TMEM120B: variants seen among roughly 807,000 people sequenced by gnomAD.
TMEM120B encodes transmembrane protein 120B.
In TMEM120B, 31 loss-of-function variants were observed where a neutral mutation model predicts 55.5. The ratio of observed to expected loss-of-function variants is 0.56; its 90% CI spans 0.42 to 0.75. The LOEUF is 0.75. Ranked by LOEUF, TMEM120B falls within the 30% of genes least tolerant of loss-of-function variation. TMEM120B has a pLI of 0.00. For synonymous variants in TMEM120B, 203 were observed against 176.3 expected (o/e 1.15, Z -1.20); for missense variants, 399 against 425.5 (o/e 0.94, Z 0.55).
intron 1 of TMEM120B, among the ~76,000 whole-genome samples, chr12:121,723,993 G>A (rs894234425): frequency 2.7e-5 from 4 of 148,040 alleles, no homozygotes; most frequent in Non-Finnish European, 5.9e-5. Flanking sequence ...TGAGACATGG[G>A]ATCTCACTGT....
intron 1 of TMEM120B, among the ~76,000 whole-genome samples, chr12:121,728,245 T>C (rs1383421911): frequency 6.6e-6 from 1 of 151,466 alleles, no homozygotes; most frequent in East Asian, 2.0e-4. Flanking sequence ...ATGCCAGCAC[T>C]TTGGGAGGCA....
intron 6 of TMEM120B, 102 bp from the exon 7 acceptor site, chr12:121,770,805 T>G: frequency 9.3e-7 from 1 of 1,071,788 alleles, no homozygotes. Context: ...AAGCCGTCTC[T>G]GAGTGCAGAG....
chr12:121,773,385 C>A, intron 8 of TMEM120B, 36 bp from the exon 9 acceptor site: 3 of 1,578,868 alleles, frequency 1.9e-6, no homozygotes, highest in Non-Finnish European at 2.6e-6. Flanking sequence ...CCGGGGACAC[C>A]AGGCCCTGAG....
In TMEM120B at chr12:121,779,587, C is replaced by T; in HGVS notation, c.*3865C>T. On this transcript the variant is annotated 3_prime_UTR_variant, in exon 12 of 12. Coordinates refer to ENST00000449592, the MANE Select transcript of TMEM120B (RefSeq NM_001080825.2). ...ACCTTGGCGGCCTCCCGGAAGACGT[C>T]CTCCACATTCTCCCGAAACTTGGCG... is the stretch of plus-strand genomic sequence containing the variant. 1 of 1,614,218 alleles carries T rather than the reference C, an allele frequency of 6.2e-7. No individual in the cohort carries two copies. The highest frequency in any genetic ancestry group is 8.5e-7 in the Non-Finnish European group (1 of 1,180,042).
chr12:121,715,711 C>T (rs1894688091), intron 1 of TMEM120B, among the ~76,000 whole-genome samples: 1 of 152,046 alleles, frequency 6.6e-6, no homozygotes, highest in Non-Finnish European at 1.5e-5. Flanking sequence ...CTCCCGGTGT[C>T]AAGATCATAG....
intron 1 of TMEM120B, among the ~76,000 whole-genome samples, chr12:121,716,304 T>C (rs116440081): frequency 0.022 from 3,163 of 142,048 alleles, 64 homozygotes; most frequent in African/African-American, 0.059. Context: ...TTAGACCCTC[T>C]CTCTCAAAAA....
intron 1 of TMEM120B, among the ~76,000 whole-genome samples, chr12:121,739,937 C>T (rs565722517): frequency 6.6e-6 from 1 of 151,738 alleles, no homozygotes; most frequent in South Asian, 2.1e-4. Flanking sequence ...CGCCACCATG[C>T]CCGGCTAATT....
intron 1 of TMEM120B, among the ~76,000 whole-genome samples, chr12:121,738,774 A>G (rs1025277076): frequency 2.0e-5 from 3 of 152,196 alleles, no homozygotes; most frequent in Non-Finnish European, 4.4e-5. Flanking sequence ...AGCCACTAAT[A>G]AGGGCACAAC....
Position 121,746,382 on chromosome 12 carries a change from TC to T in TMEM120B, c.189-1943del, listed in dbSNP as rs1227514546. ...TTGTATTTTTAGTAGAGACGGGGTT[TC>T]TCCATATTGGTCATGCTGGTCTTGA... On this transcript the variant is annotated intron_variant, in intron 2 of 11. Coordinates refer to ENST00000449592, the MANE Select transcript of TMEM120B (RefSeq NM_001080825.2). Among the ~76,000 whole-genome samples, 4 of 152,190 alleles carry T rather than the reference TC, an allele frequency of 2.6e-5. No homozygotes were observed. In the East Asian group the frequency reaches 5.8e-4, roughly 22 times the overall value.
rs1189089514 is a variant in TMEM120B at position 121,775,506 on chromosome 12, T to A, written c.907-103T>A. 3.4e-6 allele frequency: 5 copies of A among 1,490,102 alleles called. No homozygotes were observed. The highest frequency in any genetic ancestry group is 4.4e-6 in the Non-Finnish European group (5 of 1,124,030). 92.3% of individuals were successfully genotyped at this position (1,490,102 alleles called of 1,614,324 possible). On this transcript the variant is annotated intron_variant, in intron 11 of 11. Transcript: ENST00000449592. This position sits in a 1 kb window ranked among gnomAD's most constrained non-coding sequence, Gnocchi z 4.3. ...GCCTTCGATGGCAAAACCCTGCAGT[T>A]TGGGAGTTTGGGGGCAGCTGTGCTG...
At position 121,779,381 on chromosome 12, in the gene TMEM120B, G is replaced by T. The variant is rs958483960; in HGVS notation, c.*3659G>T. ...AGTTCCAGAATGTTCCAAGAGTCTA[G>T]CCGCAGGCCCCAGACACCATGAGCT... On this transcript the variant is annotated 3_prime_UTR_variant, in exon 12 of 12. Transcript: ENST00000449592. 2 of 1,107,246 alleles carry T rather than the reference G, an allele frequency of 1.8e-6. No homozygotes were observed. The highest frequency in any genetic ancestry group is 3.1e-5 in the African/African-American group (2 of 63,814). 68.6% of individuals were successfully genotyped at this position (1,107,246 alleles called of 1,614,324 possible). A position where few individuals can be genotyped will look rare whatever the true frequency, so the allele number is the denominator to read the frequency against.
chr12:121,772,062 CCTTTCTTTTTCTTT>C (rs1377835509), intron 8 of TMEM120B, among the ~76,000 whole-genome samples: 4 of 140,834 alleles, frequency 2.8e-5, no homozygotes, highest in East Asian at 4.3e-4. Context: ...TCTTTTTCTT[CCTTTCTTTTTCTTT>C]CTTTCTCTTT....
intron 7 of TMEM120B, 146 bp from the exon 8 acceptor site, chr12:121,771,342 C>G: frequency 2.7e-6 from 2 of 733,922 alleles, no homozygotes; most frequent in South Asian, 3.4e-5. Flanking sequence ...CCTCGCCCAG[C>G]CCCAGGGATA....
chr12:121,743,821 GA>G (rs926098720), intron 2 of TMEM120B, 74 bp downstream of exon 2: 3 of 1,107,406 alleles, frequency 2.7e-6, no homozygotes, highest in African/African-American at 3.1e-5. Context: ...GGCTGAAGCA[GA>G]GAATGGAAAT....
chr12:121,722,873 A>G (rs368133464), intron 1 of TMEM120B, among the ~76,000 whole-genome samples: 40 of 118,610 alleles, frequency 3.4e-4, no homozygotes, highest in African/African-American at 1.0e-3. Flanking sequence ...TTTGAGATGG[A>G]GTTTCGCTCT....
chr12:121,756,327 CT>C (rs780163366), intron 5 of TMEM120B, among the ~76,000 whole-genome samples: 1 of 152,060 alleles, frequency 6.6e-6, no homozygotes, highest in Non-Finnish European at 1.5e-5. Context: ...GCGAAACCCC[CT>C]CTCTACAAAA....
chr12:121,714,404 C>G (rs965937272), intron 1 of TMEM120B, among the ~76,000 whole-genome samples: 1 of 151,638 alleles, frequency 6.6e-6, no homozygotes, highest in Non-Finnish European at 1.5e-5. Flanking sequence ...TACGGGTGTG[C>G]GCCACCGTGC....
chr12:121,764,547 T>A (rs1285946373), intron 6 of TMEM120B, among the ~76,000 whole-genome samples: 2 of 151,726 alleles, frequency 1.3e-5, no homozygotes, highest in Non-Finnish European at 1.5e-5. Flanking sequence ...GGCATGGTGG[T>A]GTACACCTGT....
chr12:121,713,895 C>A (rs1894646839), intron 1 of TMEM120B, among the ~76,000 whole-genome samples: 1 of 152,164 alleles, frequency 6.6e-6, no homozygotes, highest in African/African-American at 2.4e-5. Flanking sequence ...TGCACACTAT[C>A]ACCCCAGTCC....
Sources: gnomAD v4.1 joint callset for allele counts (sites outside exome capture counted in the v4.1 genomes callset) on GRCh38, gnomAD v4.1.1 for gene constraint, Gnocchi (gnomAD v3.1) non-coding constraint, MANE v1.5 for transcripts, NCBI Gene and HGNC (gene_info 2026-07-23, HGNC 2026-07-21) for gene names.